RB1: variants seen among roughly 807,000 people sequenced by gnomAD.
RB1 encodes the protein retinoblastoma-associated protein.
Under a neutral mutation model 135.4 loss-of-function variants are expected in RB1, and 18 were observed. The observed-to-expected ratio is 0.13, with a 90% CI of 0.09 to 0.20. The LOEUF (loss-of-function observed/expected upper bound fraction) is 0.20, where lower values mean the gene tolerates loss of function less well. Ranked by LOEUF, RB1 falls within the 10% of genes least tolerant of loss-of-function variation. The pLI, the probability that RB1 is intolerant of heterozygous loss-of-function variation, is 1.00. For missense variants in RB1, 868 were observed against 1,110.0 expected, an observed-to-expected ratio of 0.78 and a Z score of 3.10; for synonymous variants, 365 against 373.2, an observed-to-expected ratio of 0.98 and a Z score of 0.25.
intron 2 of RB1, chr13:48,320,305 C>T: frequency 8.1e-7 from 1 of 1,242,106 alleles, no homozygotes; most frequent in Non-Finnish European, 1.2e-6. Context: ...AGCAACCCCG[C>T]TGCGCTGCAG....
intron 20 of RB1, among the ~76,000 whole-genome samples, chr13:48,462,216 C>T (rs926256250): frequency 2.3e-4 from 35 of 151,762 alleles, no homozygotes; most frequent in African/African-American, 7.7e-4. Flanking sequence ...CTCGAATTCC[C>T]GGGCTCAAGT....
intron 17 of RB1, among the ~76,000 whole-genome samples, chr13:48,407,354 C>T (rs1948749561): frequency 6.6e-6 from 1 of 151,954 alleles, no homozygotes. Context: ...CTTTTGGGAG[C>T]AGGAAGACAG....
rs543006571 is a variant in RB1 at position 48,405,490 on chromosome 13, G to T, written c.1695+24047G>T. Reference sequence around the variant, plus strand: ...TCCTTGTTGGCCCATAGTTTTGACTGCATATAACAGGAGATGGCATGCACA... The same window carrying T: ...TCCTTGTTGGCCCATAGTTTTGACTTCATATAACAGGAGATGGCATGCACA... On this transcript the variant is annotated intron_variant, in intron 17 of 26. Transcript: ENST00000267163. Among the ~76,000 whole-genome samples, 27 of 152,274 alleles carry T rather than the reference G, an allele frequency of 1.8e-4. No individual in the cohort carries two copies. The South Asian group carries it at 5.6e-3, about 32-fold the overall frequency.
rs1593448579 is a variant in RB1, at chr13:48,367,698, T to TA, written c.1049+96dup. The stretch of plus-strand genomic sequence containing the variant: ...AGTCTTTAGCTTAGTGACCTTTAGA[T>TA]ATCATTTATAACAAATTACTTTCAA... On this transcript the variant is annotated intron_variant, in intron 10 of 26. Coordinates refer to ENST00000267163, the MANE Select transcript of RB1 (RefSeq NM_000321.3). 9 of 1,387,392 alleles carry TA rather than the reference T, an allele frequency of 6.5e-6. No homozygotes were observed. The East Asian group carries it at 2.2e-4, about 33-fold the overall frequency. 85.9% of individuals were successfully genotyped at this position (1,387,392 alleles called of 1,614,324 possible).
At chr13:48,379,721 G>A (rs1047083069) in intron 14 of RB1, 71 bp downstream of exon 14, 3 of 1,545,814 alleles carry the variant, frequency 1.9e-6, no homozygotes, top group Non-Finnish European at 2.6e-6. Flanking sequence ...CAGCACTTTG[G>A]GAGGCCGAGG....
At position 48,480,120 on chromosome 13, in the gene RB1, C is replaced by A. The variant is rs533165692; in HGVS notation, c.*49C>A. On this transcript the variant is annotated 3_prime_UTR_variant, in exon 27 of 27. Coordinates refer to ENST00000267163, the MANE Select transcript of RB1 (RefSeq NM_000321.3). ...CTGTGTACACCTCTGGATTCATTGT[C>A]TCTCACAGATGTGACTGTATAACTT... The A allele has an allele frequency of 2.7e-6, 4 of 1,467,240 alleles. No individual in the cohort carries two copies. In the South Asian group the frequency reaches 3.5e-5, roughly 13 times the overall value. The allele number at this position is 1,467,240 out of a possible 1,614,324, so 90.9% of individuals were successfully genotyped here. A position where few individuals can be genotyped will look rare whatever the true frequency, so the allele number is the denominator to read the frequency against.
chr13:48,408,709 T>C (rs1948761617), intron 17 of RB1: 1 of 152,186 alleles, frequency 6.6e-6, no homozygotes, highest in African/African-American at 2.4e-5. Flanking sequence ...ACCATGTTTG[T>C]TATCTGTTAT....
intron 17 of RB1, among the ~76,000 whole-genome samples, chr13:48,441,954 T>C (rs1949241261): frequency 6.6e-6 from 1 of 152,190 alleles, no homozygotes; most frequent in Non-Finnish European, 1.5e-5. Flanking sequence ...AATAGATAAT[T>C]TGATGCCTTG....
rs555308607 is a variant in RB1 at position 48,339,176 on chromosome 13, G to T, written c.265-3423G>T. Reference sequence around the variant, plus strand: ...TCTCAGATCTCAAACTTCATGCTGGGAGAACCACTACGCTCTTCAAAGCTG... The same window carrying T: ...TCTCAGATCTCAAACTTCATGCTGGTAGAACCACTACGCTCTTCAAAGCTG... On this transcript the variant is annotated intron_variant, in intron 2 of 26. Coordinates refer to ENST00000267163, the MANE Select transcript of RB1 (RefSeq NM_000321.3). Among the ~76,000 whole-genome samples the T allele has an allele frequency of 3.9e-5, 6 of 152,256 alleles. No individual in the cohort carries two copies. The South Asian group carries it at 6.2e-4, about 16-fold the overall frequency.
At position 48,351,049 on chromosome 13, in the gene RB1, C is replaced by A. The variant is rs570392781; in HGVS notation, c.607+2026C>A. ...TAGTGCTGCAGTGAACATTCACGTGCTTTTGTCTTTATGGTAGAATGATTT... is the reference window on the plus strand; with the variant it reads ...TAGTGCTGCAGTGAACATTCACGTGATTTTGTCTTTATGGTAGAATGATTT... On this transcript the variant is annotated intron_variant, in intron 6 of 26. Transcript: ENST00000267163. 3.3e-5 allele frequency among the ~76,000 whole-genome samples: 5 copies of A among 152,226 alleles called. No individual in the cohort carries two copies. In the South Asian group the frequency reaches 6.2e-4, roughly 19 times the overall value.
chr13:48,375,953 G>A (rs1952817508), intron 12 of RB1, among the ~76,000 whole-genome samples: 1 of 151,874 alleles, frequency 6.6e-6, no homozygotes, highest in South Asian at 2.1e-4. Flanking sequence ...ATAAAAAATA[G>A]AATAAATCTT....
At chr13:48,473,229 C>A in intron 23 of RB1, 131 bp from the exon 24 acceptor site, 1 of 678,140 alleles carries the variant, frequency 1.5e-6, no homozygotes, top group African/African-American at 1.8e-5. Context: ...TATAGTTTGT[C>A]AGTGGTTCTA....
intron 25 of RB1, 38 bp downstream of exon 25, chr13:48,476,881 T>A (rs200837894): frequency 6.9e-5 from 111 of 1,606,432 alleles, no homozygotes; most frequent in Non-Finnish European, 8.9e-5. Context: ...GTAGCCGAGA[T>A]GGTCATCTGG....
At position 48,421,919 on chromosome 13, in the gene RB1, G is replaced by A. The variant is rs7320277; in HGVS notation, c.1696-31074G>A. On this transcript the variant is annotated intron_variant, in intron 17 of 26. Transcript: ENST00000267163. ...TAGGAATGCTTTTACACTGTTGGTG[G>A]GAGTGTAAATTAGTTCAACCATTGT... Among the ~76,000 whole-genome samples the A allele has an allele frequency of 6.3e-3, 959 of 152,254 alleles. 12 individuals carry two copies. Among genetic ancestry groups the A allele is most frequent in the African/African-American group, 0.022 (912 of 41,532 alleles).
chr13:48,343,407 G>T (rs1298339457), intron 3 of RB1, among the ~76,000 whole-genome samples: 1 of 152,052 alleles, frequency 6.6e-6, no homozygotes, highest in Non-Finnish European at 1.5e-5. Flanking sequence ...AAACATAATT[G>T]ATATTTTATT....
intron 17 of RB1, among the ~76,000 whole-genome samples, chr13:48,407,306 G>A (rs1948749020): frequency 6.6e-6 from 1 of 152,142 alleles, no homozygotes; most frequent in Non-Finnish European, 1.5e-5. Context: ...AATGAAAGAG[G>A]TAATTTTCTA....
chr13:48,318,116 CG>C (rs1952201846), intron 2 of RB1: 12 of 520,720 alleles, frequency 2.3e-5, no homozygotes, highest in Middle Eastern at 4.2e-4. Context: ...CTCGGAAGGC[CG>C]GGGCCGTGTC....
Position 48,303,940 on chromosome 13 carries a change from GCCGCCA to G in RB1, c.34_39del (p.Thr12_Ala13del). On this transcript the variant is annotated inframe_deletion, in exon 1 of 27. Transcript: ENST00000267163. ...GCCGCCCAAAACCCCCCGAAAAACGGCCGCCACCGCCGCCGCTGCCGCCGCGGAACC... is the reference window on the plus strand; with the variant it reads ...GCCGCCCAAAACCCCCCGAAAAACGGCCGCCGCCGCTGCCGCCGCGGAACC... The G allele has an allele frequency of 6.6e-7, 1 of 1,509,326 alleles. No homozygotes were observed. The allele number at this position is 1,509,326 out of a possible 1,614,324, so 93.5% of individuals were successfully genotyped here. A position where few individuals can be genotyped will look rare whatever the true frequency, so the allele number is the denominator to read the frequency against.
intron 17 of RB1, among the ~76,000 whole-genome samples, chr13:48,420,738 C>T (rs1948992961): frequency 6.6e-6 from 1 of 152,066 alleles, no homozygotes; most frequent in African/African-American, 2.4e-5. Flanking sequence ...TCCTATACAA[C>T]AATAATAGAC....
Sources: allele counts gnomAD v4.1 joint callset (sites outside exome capture counted in the v4.1 genomes callset), GRCh38; gene constraint gnomAD v4.1.1; transcripts MANE v1.5; gene names NCBI Gene and HGNC (gene_info 2026-07-23, HGNC 2026-07-21).